Variants in CSMD2 observed in about 807,000 individuals in gnomAD.
CSMD2 encodes CUB and Sushi multiple domains 2, also known as CUB and sushi domain-containing protein 2.
A neutral mutation model predicts 398.5 loss-of-function variants in CSMD2; 130 were observed. That is an observed-to-expected ratio of 0.33 (90% confidence interval 0.28 to 0.38). The LOEUF is 0.38. Among genes scored for constraint, CSMD2 ranks in the 10% least tolerant of loss-of-function variants. The pLI, the probability that CSMD2 is intolerant of heterozygous loss-of-function variation, is 1.00. For missense variants in CSMD2, 3,829 were observed against 4,764.9 expected (o/e 0.80, Z 5.78); for synonymous variants, 1,828 against 1,908.5 (o/e 0.96, Z 1.10).
At chr1:34,040,248 T>C (rs1651694499) in intron 2 of CSMD2, among the ~76,000 whole-genome samples, 1 of 152,020 alleles carries the variant, frequency 6.6e-6, no homozygotes. Context: ...CTCTACCCAA[T>C]TGGGATCATC....
chr1:33,719,925 T>G (rs570628959), intron 19 of CSMD2, among the ~76,000 whole-genome samples: 21 of 152,290 alleles, frequency 1.4e-4, no homozygotes, highest in African/African-American at 5.1e-4. Flanking sequence ...CCTCACGGGT[T>G]AAAAGGTGTC....
chr1:33,595,781 G>C (rs979888556), intron 44 of CSMD2, among the ~76,000 whole-genome samples: 2 of 152,174 alleles, frequency 1.3e-5, no homozygotes, highest in Admixed American at 1.3e-4. Flanking sequence ...CCAGGCTTGG[G>C]ATTAGCCATT....
chr1:33,627,652 C>A (rs1642211916), intron 32 of CSMD2, among the ~76,000 whole-genome samples: 1 of 152,182 alleles, frequency 6.6e-6, no homozygotes, highest in African/African-American at 2.4e-5. Flanking sequence ...GCAAGGCAGG[C>A]TTAGATGTGT....
intron 5 of CSMD2, among the ~76,000 whole-genome samples, chr1:33,899,198 G>A (rs546045325): frequency 6.6e-6 from 1 of 152,352 alleles, no homozygotes; most frequent in Admixed American, 6.5e-5. Flanking sequence ...CTGGCATCTA[G>A]GGAGCTGGCA....
intron 3 of CSMD2, among the ~76,000 whole-genome samples, chr1:33,983,460 A>C (rs182353191): frequency 3.9e-5 from 6 of 152,328 alleles, no homozygotes; most frequent in Non-Finnish European, 4.4e-5. Flanking sequence ...GTTATGTAGA[A>C]AGTAATTTCA....
At chr1:33,819,442 T>C (rs2124993272) in intron 9 of CSMD2, among the ~76,000 whole-genome samples, 1 of 152,310 alleles carries the variant, frequency 6.6e-6, no homozygotes, top group African/African-American at 2.4e-5. Flanking sequence ...AGCTGTTTCT[T>C]ACGTGCCTCA....
intron 1 of CSMD2, among the ~76,000 whole-genome samples, chr1:34,107,022 TC>T (rs1276602170): frequency 6.6e-6 from 1 of 152,200 alleles, no homozygotes; most frequent in African/African-American, 2.4e-5. Flanking sequence ...AGCAGAAGCA[TC>T]TCTGCTTTAC....
intron 1 of CSMD2, among the ~76,000 whole-genome samples, chr1:34,146,668 GA>G (rs1639792004): frequency 6.6e-6 from 1 of 152,194 alleles, no homozygotes; most frequent in African/African-American, 2.4e-5. Flanking sequence ...TGTGGTTAGT[GA>G]AAGGGAGCAG....
intron 2 of CSMD2, among the ~76,000 whole-genome samples, chr1:34,074,712 C>T (rs1472659185): frequency 2.6e-5 from 4 of 151,176 alleles, no homozygotes; most frequent in Non-Finnish European, 5.9e-5. Context: ...GGTAGATGGG[C>T]ATAAATGAAG....
At chr1:33,830,224 CCT>C (rs1659363855) in intron 6 of CSMD2, among the ~76,000 whole-genome samples, 4 of 152,106 alleles carry the variant, frequency 2.6e-5, no homozygotes, top group African/African-American at 9.7e-5. Flanking sequence ...GGTCCCTGAC[CCT>C]TGACCCCCGA....
At chr1:33,851,657 A>C (rs969400366) in intron 5 of CSMD2, among the ~76,000 whole-genome samples, 2 of 152,142 alleles carry the variant, frequency 1.3e-5, no homozygotes, top group African/African-American at 2.4e-5. Context: ...TCCTCTGCCA[A>C]ACCTAAGCCA....
chr1:33,626,501 G>A lies in CSMD2; in HGVS notation c.5281C>T (p.His1761Tyr). The A allele has an allele frequency of 1.2e-6, 2 of 1,606,934 alleles. No homozygotes were observed. The highest frequency in any genetic ancestry group is 1.1e-5 in the South Asian group (1 of 88,946). The change falls in exon 33 of 71, where the codon CAC (histidine) becomes TAC (tyrosine). Residue 1761 changes from histidine (H) to tyrosine (Y), a missense_variant. By Grantham distance (83) the His-to-Tyr change is moderately conservative. Coordinates refer to ENST00000373381, the MANE Select transcript of CSMD2 (RefSeq NM_001281956.2). Reference protein sequence around the residue: ...AKGLAPARGFHFVYQAVPRTS... With the variant: ...AKGLAPARGFYFVYQAVPRTS... ...TCCTCCATACCTTGGTAGACAAAGT[G>A]GAAGCCTCTGGCTGGTGCGAGGCCT... is the stretch of plus-strand genomic sequence containing the variant.
chr1:34,075,895 T>G (rs541217724), intron 2 of CSMD2, among the ~76,000 whole-genome samples: 1 of 152,318 alleles, frequency 6.6e-6, no homozygotes, highest in African/African-American at 2.4e-5. Context: ...TCTTGCTAAT[T>G]TCCAAACTCC....
intron 19 of CSMD2, among the ~76,000 whole-genome samples, chr1:33,720,324 A>T (rs1288345029): frequency 6.6e-6 from 1 of 152,206 alleles, no homozygotes; most frequent in Non-Finnish European, 1.5e-5. Context: ...CAAGTTCTCT[A>T]CAGTGGAGTA....
intron 1 of CSMD2, among the ~76,000 whole-genome samples, chr1:34,152,540 A>T (rs1322414473): frequency 1.3e-5 from 2 of 151,684 alleles, no homozygotes; most frequent in Non-Finnish European, 2.9e-5. Context: ...ACCCACTCTC[A>T]CTCAACCAGG....
chr1:34,094,533 A>G (rs1659043717), intron 1 of CSMD2, among the ~76,000 whole-genome samples: 1 of 152,172 alleles, frequency 6.6e-6, no homozygotes, highest in Admixed American at 6.5e-5. Flanking sequence ...GCAGAGACAC[A>G]CATAGGCTCA....
intron 20 of CSMD2, among the ~76,000 whole-genome samples, chr1:33,715,916 T>C (rs1435548720): frequency 6.6e-6 from 1 of 152,136 alleles, no homozygotes; most frequent in Non-Finnish European, 1.5e-5. Flanking sequence ...CCTTTTTTTT[T>C]TTTCATATTG....
intron 11 of CSMD2, among the ~76,000 whole-genome samples, chr1:33,790,035 T>C (rs1470694417): frequency 3.3e-5 from 5 of 152,196 alleles, no homozygotes; most frequent in Non-Finnish European, 7.3e-5. Context: ...GTTCTGCTAT[T>C]CTAAGGTTCT....
intron 13 of CSMD2, among the ~76,000 whole-genome samples, chr1:33,761,757 G>T (rs1649843424): frequency 1.3e-5 from 2 of 152,206 alleles, no homozygotes; most frequent in African/African-American, 2.4e-5. Flanking sequence ...ACCCACTGAA[G>T]ACTGGAAAAC....
Sources: allele counts gnomAD v4.1 joint callset (sites outside exome capture counted in the v4.1 genomes callset), GRCh38; gene constraint gnomAD v4.1.1; transcripts MANE v1.5; gene names NCBI Gene and HGNC (gene_info 2026-07-23, HGNC 2026-07-21).